The following ANKS1B variants were observed in gnomAD, a reference collection of about 807,000 sequenced individuals.
ANKS1B encodes the protein ankyrin repeat and sterile alpha motif domain-containing protein 1B.
ANKS1B carries 36 observed loss-of-function variants against 148.3 expected under a neutral mutation model. The ratio of observed to expected loss-of-function variants is 0.24; its 90% confidence interval spans 0.19 to 0.32. ANKS1B has a LOEUF of 0.32. ANKS1B is among the 10% of genes least tolerant of loss of function. The pLI is 1.00. For missense variants in ANKS1B, 1,157 were observed against 1,542.6 expected (o/e 0.75, Z 4.19); for synonymous variants, 542 against 560.8 (o/e 0.97, Z 0.47).
intron 12 of ANKS1B, among the ~76,000 whole-genome samples, chr12:99,347,385 C>T (rs2090848730): frequency 6.6e-6 from 1 of 151,940 alleles, no homozygotes. Context: ...GAACAGGCCA[C>T]ATGATCAAAT....
chr12:98,743,030 G>A (rs1045169024), downstream of ANKS1B, among the ~76,000 whole-genome samples: 16 of 152,120 alleles, frequency 1.1e-4, no homozygotes, highest in African/African-American at 3.4e-4. Flanking sequence ...TTCTTCCTAC[G>A]GATTTCCTGA....
intron 1 of ANKS1B, among the ~76,000 whole-genome samples, chr12:99,948,698 C>T (rs960132711): frequency 4.6e-5 from 7 of 152,136 alleles, no homozygotes; most frequent in African/African-American, 1.7e-4. Context: ...AACATCGCAC[C>T]TCCTTTGCAA....
At chr12:99,765,531 G>A (rs2062565417) in intron 8 of ANKS1B, among the ~76,000 whole-genome samples, 1 of 152,038 alleles carries the variant, frequency 6.6e-6, no homozygotes, top group South Asian at 2.1e-4. Context: ...TGAATTCTAT[G>A]TTTTTACCTT....
chr12:98,892,719 T>G (rs975231390), intron 17 of ANKS1B, among the ~76,000 whole-genome samples: 3 of 152,248 alleles, frequency 2.0e-5, no homozygotes, highest in Non-Finnish European at 4.4e-5. Context: ...AAATATCATA[T>G]TAAATAATAC....
intron 1 of ANKS1B, among the ~76,000 whole-genome samples, chr12:99,950,671 T>C (rs2095196151): frequency 6.6e-6 from 1 of 152,180 alleles, no homozygotes; most frequent in African/African-American, 2.4e-5. Flanking sequence ...TTCTGTTCAT[T>C]TTTTTCCAAA....
At chr12:98,956,479 A>G (rs1163013174) in intron 17 of ANKS1B, 2 of 152,272 alleles carry the variant, frequency 1.3e-5, no homozygotes, top group African/African-American at 4.8e-5. Context: ...CATAAAACCC[A>G]AAACTTGAGT....
chr12:99,069,038 GTCT>G (rs1260296737), intron 16 of ANKS1B, among the ~76,000 whole-genome samples: 1 of 152,180 alleles, frequency 6.6e-6, no homozygotes, highest in Non-Finnish European at 1.5e-5. Flanking sequence ...CAGGGACCAA[GTCT>G]TCTCCATGTT....
At chr12:99,606,633 G>T (rs1180507648) in intron 9 of ANKS1B, among the ~76,000 whole-genome samples, 2 of 151,908 alleles carry the variant, frequency 1.3e-5, no homozygotes. Context: ...AACTTACTTA[G>T]AAATAACTCA....
intron 9 of ANKS1B, among the ~76,000 whole-genome samples, chr12:99,545,512 G>C (rs1438615805): frequency 6.6e-6 from 1 of 152,034 alleles, no homozygotes; most frequent in Non-Finnish European, 1.5e-5. Flanking sequence ...GGGAGGCAAA[G>C]GGGTTATTGG....
chr12:98,781,271 C>A, intron 23 of ANKS1B, 68 bp from the exon 24 acceptor site: 1 of 900,556 alleles, frequency 1.1e-6, no homozygotes, highest in Non-Finnish European at 1.8e-6. Context: ...CACAATTTTT[C>A]CTCCTGAAAG....
chr12:98,922,000 C>A (rs2099802047), intron 17 of ANKS1B, among the ~76,000 whole-genome samples: 1 of 152,206 alleles, frequency 6.6e-6, no homozygotes, highest in Non-Finnish European at 1.5e-5. Flanking sequence ...TCTGCCCTTG[C>A]AATTTTCATT....
intron 10 of ANKS1B, among the ~76,000 whole-genome samples, chr12:99,495,342 AGTGTGTGTGT>A (rs56107230): frequency 6.2e-5 from 9 of 145,298 alleles, no homozygotes; most frequent in South Asian, 2.2e-4. Flanking sequence ...GGGGAGAAAA[AGTGTGTGTGT>A]GTGTGTGTGT....
intron 13 of ANKS1B, 73 bp downstream of exon 13, chr12:99,246,202 T>C: frequency 8.2e-7 from 1 of 1,212,518 alleles, no homozygotes. Flanking sequence ...GCTAAAAAGC[T>C]GAAAATCCTT....
At chr12:98,799,498 C>T (rs900656238) in intron 21 of ANKS1B, among the ~76,000 whole-genome samples, 1 of 128,046 alleles carries the variant, frequency 7.8e-6, no homozygotes, top group African/African-American at 3.1e-5. Flanking sequence ...AGCTGTGTGC[C>T]CTATGGTTGA....
At chr12:98,964,856 T>C (rs920194046) in intron 17 of ANKS1B, among the ~76,000 whole-genome samples, 1 of 152,124 alleles carries the variant, frequency 6.6e-6, no homozygotes, top group African/African-American at 2.4e-5. Context: ...GTGGGGATGG[T>C]AAATACGTAT....
chr12:99,965,149 C>T (rs1054339233), intron 1 of ANKS1B, among the ~76,000 whole-genome samples: 7 of 152,152 alleles, frequency 4.6e-5, no homozygotes, highest in African/African-American at 1.7e-4. Context: ...GCCCACTTTC[C>T]AATAAAAGGA....
In ANKS1B at chr12:99,088,552, T is replaced by C. The variant is rs563934999; in HGVS notation, c.2527-3529A>G. 7.2e-5 allele frequency among the ~76,000 whole-genome samples: 11 copies of C among 152,054 alleles called. No individual in the cohort carries two copies. In the East Asian group the frequency reaches 2.1e-3, roughly 29 times the overall value. ...GTGATTAAAGAGAAATTCAAGAATA[T>C]ATATTTTTTTTTGACAAATCAATCT... On this transcript the variant is annotated intron_variant, in intron 15 of 26. Coordinates refer to ENST00000683438, the MANE Select transcript of ANKS1B (RefSeq NM_001352186.2).
At chr12:98,800,380 A>G (rs2098991932) in intron 21 of ANKS1B, among the ~76,000 whole-genome samples, 1 of 152,110 alleles carries the variant, frequency 6.6e-6, no homozygotes, top group African/African-American at 2.4e-5. Context: ...GGCAGTTTCA[A>G]TGCACTGCTG....
At chr12:99,000,457 C>T (rs1377417102) in intron 17 of ANKS1B, among the ~76,000 whole-genome samples, 5 of 151,936 alleles carry the variant, frequency 3.3e-5, no homozygotes, top group Admixed American at 1.3e-4. Flanking sequence ...TTAGTAGAGA[C>T]GGGGTTTCAC....
Sources: gnomAD v4.1 joint callset for allele counts (sites outside exome capture counted in the v4.1 genomes callset) on GRCh38, gnomAD v4.1.1 for gene constraint, MANE v1.5 for transcripts, NCBI Gene and HGNC (gene_info 2026-07-23, HGNC 2026-07-21) for gene names.